Variants in POLR1C observed in about 807,000 individuals in gnomAD.
POLR1C encodes the protein DNA-directed RNA polymerases I and III subunit RPAC1.
A neutral mutation model predicts 38.3 loss-of-function variants in POLR1C; 42 were observed. The observed-to-expected ratio is 1.10, with a 90% CI of 0.86 to 1.42. The LOEUF (loss-of-function observed/expected upper bound fraction) is 1.42, where lower values mean the gene tolerates loss of function less well. Ranked by LOEUF, POLR1C falls within the 40% of genes most tolerant of loss-of-function variation. The probability of loss-of-function intolerance (pLI) is 0.00; values close to 1 mark genes in which losing one functional copy is unlikely to be tolerated. For missense variants in POLR1C, 507 were observed against 450.5 expected (o/e 1.13, Z -1.14); for synonymous variants, 163 against 163.9 (o/e 0.99, Z 0.04).
chr6:43,531,054 C>T (rs1346651596), downstream of POLR1C, among the ~76,000 whole-genome samples: 1 of 152,208 alleles, frequency 6.6e-6, no homozygotes, highest in Admixed American at 6.5e-5. Flanking sequence ...AATGGACGAT[C>T]TCATTAGCTT....
At chr6:43,560,554 T>C (rs1005130096) in intron 10 of POLR1C, among the ~76,000 whole-genome samples, 5 of 152,226 alleles carry the variant, frequency 3.3e-5, no homozygotes, top group African/African-American at 1.2e-4. Context: ...CAAAAAAGGA[T>C]ACTGGAATCT....
chr6:43,562,268 G>C, exon 11 of POLR1C: 1 of 1,607,764 alleles, frequency 6.2e-7, no homozygotes. Context: ...ACAGCTGATT[G>C]CCCAGCGCAC....
intron 9 of POLR1C, chr6:43,548,184 C>T: frequency 7.1e-7 from 1 of 1,416,248 alleles, no homozygotes. Context: ...TTAACCCCTA[C>T]CCCACCCTGG....
At chr6:43,549,431 G>A (rs780051737) in intron 9 of POLR1C, 23 of 1,506,288 alleles carry the variant, frequency 1.5e-5, no homozygotes, top group Non-Finnish European at 2.1e-5. Flanking sequence ...ACTGAAAGCT[G>A]GATTTACACA....
At chr6:43,546,436 C>T in intron 9 of POLR1C, 1 of 838,686 alleles carries the variant, frequency 1.2e-6, no homozygotes, top group African/African-American at 1.8e-5. Context: ...CTGAGACACC[C>T]TCTAGAAAGA....
intron 9 of POLR1C, chr6:43,539,258 G>C (rs1794544463): frequency 1.4e-6 from 2 of 1,432,672 alleles, no homozygotes; most frequent in African/African-American, 2.8e-5. Flanking sequence ...ACGGGTGGCG[G>C]TGGCCACCTC....
intron 8 of POLR1C, chr6:43,526,537 G>T: frequency 1.2e-6 from 1 of 823,004 alleles, no homozygotes. Flanking sequence ...GTATGATGGA[G>T]GCACACAGCA....
At chr6:43,519,625 A>G in intron 3 of POLR1C, 81 bp from the exon 4 acceptor site, 1 of 1,580,258 alleles carries the variant, frequency 6.3e-7, no homozygotes, top group Non-Finnish European at 8.7e-7. Flanking sequence ...ATAGCTCCCT[A>G]CCTCTGGAGG....
chr6:43,526,613 C>T (rs1793609591), intron 8 of POLR1C: 5 of 1,566,892 alleles, frequency 3.2e-6, no homozygotes, highest in African/African-American at 1.4e-5. Flanking sequence ...TGCAAGGAAA[C>T]TGACCTGGTT....
chr6:43,541,897 C>G (rs538119796), intron 9 of POLR1C, among the ~76,000 whole-genome samples: 243 of 152,262 alleles, frequency 1.6e-3, no homozygotes, highest in African/African-American at 5.5e-3. Flanking sequence ...CTTGCATCAA[C>G]CTTTTGAGTA....
At chr6:43,529,322 C>T (rs2127704704) in exon 9 of POLR1C, 3 of 752,860 alleles carry the variant, frequency 4.0e-6, no homozygotes, top group Non-Finnish European at 6.2e-6. Context: ...GCGAGTGGAT[C>T]ACGGGGTCAA....
intron 8 of POLR1C, chr6:43,529,195 A>G (rs1793788039): frequency 3.5e-6 from 5 of 1,445,494 alleles, no homozygotes; most frequent in East Asian, 3.2e-5. Flanking sequence ...AAAAAATAGG[A>G]AGGAGGACAT....
chr6:43,531,409 C>G (rs1793968373), downstream of POLR1C: 9 of 1,448,834 alleles, frequency 6.2e-6, no homozygotes, highest in Non-Finnish European at 6.8e-6. Flanking sequence ...ATGAAAAGTC[C>G]AACCCATGGA....
At chr6:43,528,010 C>T (rs957100830) in intron 8 of POLR1C, 1 of 826,246 alleles carries the variant, frequency 1.2e-6, no homozygotes, top group Non-Finnish European at 1.9e-6. Context: ...ACAGCCTGTC[C>T]AGACAAGCCA....
intron 10 of POLR1C, chr6:43,555,339 G>A (rs1234951649): frequency 6.5e-6 from 1 of 153,874 alleles, no homozygotes; most frequent in Non-Finnish European, 1.4e-5. Flanking sequence ...GAGGCATTCG[G>A]TAGAGGGGGA....
At position 43,535,089 on chromosome 6, in the gene POLR1C, G is replaced by A. The variant is rs192723316; in HGVS notation, c.*4+5730G>A. Among the ~76,000 whole-genome samples the A allele has an allele frequency of 1.4e-3, 207 of 150,040 alleles. 2 individuals carry two copies. The highest frequency in any genetic ancestry group is 4.8e-3 in the African/African-American group (196 of 40,682). On this transcript the variant is annotated intron_variant, in intron 9 of 10. Coordinates refer to the POLR1C transcript ENST00000607635. ...GGGTGGATCACGAGGTCATGAGATC[G>A]AGACTATCCTGGCTAACACAGTGAA...
chr6:43,551,163 T>G (rs1582225723), intron 10 of POLR1C: 3 of 877,902 alleles, frequency 3.4e-6, no homozygotes. Flanking sequence ...GGGTGAGGTG[T>G]GAGGATCCCT....
exon 11 of POLR1C, chr6:43,561,589 G>C (rs2127745533): frequency 6.5e-6 from 1 of 153,250 alleles, no homozygotes; most frequent in Middle Eastern, 3.4e-3. Context: ...ATGTTGGCCA[G>C]GCTAGTCTCA....
chr6:43,519,684 G>C, intron 3 of POLR1C, 22 bp from the exon 4 acceptor site: 1 of 1,614,208 alleles, frequency 6.2e-7, no homozygotes, highest in East Asian at 2.2e-5. Context: ...TTGCAGATAA[G>C]TGGTTATTTT....
Sources: gnomAD v4.1 joint callset for allele counts (sites outside exome capture counted in the v4.1 genomes callset) on GRCh38, gnomAD v4.1.1 for gene constraint, MANE v1.5 for transcripts, NCBI Gene and HGNC (gene_info 2026-07-23, HGNC 2026-07-21) for gene names.